SPMIP1: variants seen among roughly 807,000 people sequenced by gnomAD.
SPMIP1 encodes the protein protein SPMIP1.
At chr7:128,866,477 AG>A in the SPMIP1 span, 1 of 1,535,992 alleles carries the variant, frequency 6.5e-7, no homozygotes, top group South Asian at 1.2e-5. Context: ...CTGAGGGAAA[AG>A]ATGTTGCGCT....
At chr7:128,870,055 C>A in the SPMIP1 span, 1 of 152,256 alleles carries the variant, frequency 6.6e-6, no homozygotes, top group Non-Finnish European at 1.5e-5. Flanking sequence ...CCCACGCCCC[C>A]TCCCGGGCGG....
the SPMIP1 span, chr7:128,866,892 G>A: frequency 6.9e-7 from 1 of 1,450,918 alleles, no homozygotes; most frequent in Admixed American, 2.1e-5. Flanking sequence ...CTAGGGAGTG[G>A]GCATCCTGGT....
chr7:128,866,599 C>T, the SPMIP1 span: 22 of 1,526,688 alleles, frequency 1.4e-5, no homozygotes, highest in Non-Finnish European at 1.8e-5. Context: ...CCCACTCTCA[C>T]CCCCACCCGC....
At chr7:128,869,798 C>G in the SPMIP1 span, 1 of 152,388 alleles carries the variant, frequency 6.6e-6, no homozygotes, top group African/African-American at 2.4e-5. Context: ...ACGCTCAGGG[C>G]CGCCCCACCC....
the SPMIP1 span, chr7:128,868,994 T>G: frequency 0.26 from 120,335 of 462,992 alleles, 20,543 homozygotes; most frequent in African/African-American, 0.6. Flanking sequence ...GACCAGAGGG[T>G]GCTGGGAAGG....
chr7:128,868,748 G>C, the SPMIP1 span: 4 of 1,535,542 alleles, frequency 2.6e-6, no homozygotes, highest in Non-Finnish European at 2.6e-6. Context: ...CCTTCGCACT[G>C]CTTGATCCCC....
At chr7:128,868,396 T>C in the SPMIP1 span, among the ~76,000 whole-genome samples, 1 of 152,248 alleles carries the variant, frequency 6.6e-6, no homozygotes, top group Non-Finnish European at 1.5e-5. Context: ...AGTCTGTCCC[T>C]GTGACAAGCA....
At chr7:128,868,643 T>C in the SPMIP1 span, 4 of 1,484,184 alleles carry the variant, frequency 2.7e-6, no homozygotes, top group Admixed American at 2.0e-5. Context: ...AACCCATGCT[T>C]GGCCTCTGAC....
the SPMIP1 span, among the ~76,000 whole-genome samples, chr7:128,867,179 A>G: frequency 6.6e-6 from 1 of 152,206 alleles, no homozygotes; most frequent in Non-Finnish European, 1.5e-5. Context: ...ACCTGTATGT[A>G]GGCAGTGGCT....
the SPMIP1 span, chr7:128,866,814 G>A: frequency 3.7e-5 from 56 of 1,533,648 alleles, no homozygotes; most frequent in Admixed American, 8.8e-4. Flanking sequence ...CCAGCTTCAC[G>A]TATGGCTGGC....
the SPMIP1 span, chr7:128,869,993 C>T: frequency 6.6e-6 from 1 of 152,188 alleles, no homozygotes; most frequent in Non-Finnish European, 1.5e-5. Flanking sequence ...GGCTCCGGCT[C>T]CGCGACCTGG....
At chr7:128,866,884 A>T in the SPMIP1 span, 1 of 1,463,266 alleles carries the variant, frequency 6.8e-7, no homozygotes, top group Non-Finnish European at 9.1e-7. Flanking sequence ...GCCATGTGCT[A>T]GGGAGTGGGC....
At chr7:128,868,949 C>A in the SPMIP1 span, 1 of 563,748 alleles carries the variant, frequency 1.8e-6, no homozygotes, top group Non-Finnish European at 3.2e-6. Context: ...CCGTAACCCT[C>A]ATCACTTTAA....
the SPMIP1 span, chr7:128,866,816 A>G: frequency 2.6e-6 from 4 of 1,533,710 alleles, no homozygotes; most frequent in South Asian, 4.8e-5. Context: ...AGCTTCACGT[A>G]TGGCTGGCAG....
chr7:128,866,575 C>G, the SPMIP1 span: 5 of 1,535,762 alleles, frequency 3.3e-6, no homozygotes, highest in Non-Finnish European at 4.4e-6. Context: ...ACTGCCCACC[C>G]TGCACCCCAA....
the SPMIP1 span, chr7:128,870,680 C>A: frequency 6.6e-6 from 1 of 152,276 alleles, no homozygotes; most frequent in African/African-American, 2.4e-5. Flanking sequence ...AGTGAGCTTT[C>A]TTTTCTGGGT....
chr7:128,868,966 C>T, the SPMIP1 span: 3 of 540,696 alleles, frequency 5.5e-6, no homozygotes, highest in East Asian at 2.9e-5. Context: ...TTAATCATCC[C>T]TTTGAGGACT....
chr7:128,868,940 C>T, the SPMIP1 span: 2 of 570,144 alleles, frequency 3.5e-6, no homozygotes, highest in African/African-American at 1.9e-5. Context: ...TTGCTTTTTC[C>T]GTAACCCTCA....
At chr7:128,866,559 C>T in the SPMIP1 span, 1 of 1,535,910 alleles carries the variant, frequency 6.5e-7, no homozygotes, top group Non-Finnish European at 8.7e-7. Context: ...CCCGCCTGCC[C>T]CTCAAACTGC....
Sources: allele counts gnomAD v4.1 joint callset (sites outside exome capture counted in the v4.1 genomes callset), GRCh38; gene constraint gnomAD v4.1.1; transcripts MANE v1.5; gene names NCBI Gene and HGNC (gene_info 2026-07-23, HGNC 2026-07-21).